The following SLX4IP variants were observed in gnomAD, a reference collection of about 807,000 sequenced individuals.
The protein encoded by SLX4IP is SLX4 interacting protein, also known as protein SLX4IP.
Under a neutral mutation model 32.9 loss-of-function variants are expected in SLX4IP, and 34 were observed. The ratio of observed to expected loss-of-function variants is 1.03; its 90% CI spans 0.79 to 1.38. The LOEUF is 1.38. SLX4IP is among the 40% of genes most tolerant of loss of function. The pLI, the probability that SLX4IP is intolerant of heterozygous loss-of-function variation, is 0.00. For missense variants in SLX4IP, 444 were observed against 479.0 expected (o/e 0.93, Z 0.68); for synonymous variants, 172 against 171.7 (o/e 1.00, Z -0.01).
intron 2 of SLX4IP, among the ~76,000 whole-genome samples, chr20:10,516,104 T>C (rs2065847473): frequency 6.6e-6 from 1 of 152,124 alleles, no homozygotes; most frequent in Non-Finnish European, 1.5e-5. Flanking sequence ...TCTGGACTGG[T>C]TTCTAATTTC....
chr20:10,603,748 C>T (rs2066870261), intron 6 of SLX4IP, among the ~76,000 whole-genome samples: 2 of 152,180 alleles, frequency 1.3e-5, no homozygotes, highest in Admixed American at 6.5e-5. Context: ...CTAGCCTGCT[C>T]ACCTCTGCCA....
chr20:10,572,829 G>A (rs2066480777), intron 4 of SLX4IP, among the ~76,000 whole-genome samples: 3 of 152,116 alleles, frequency 2.0e-5, no homozygotes, highest in Admixed American at 6.5e-5. Context: ...GGTATCTTTG[G>A]TGAACATTCA....
At chr20:10,514,427 A>G (rs1362477277) in intron 2 of SLX4IP, among the ~76,000 whole-genome samples, 1 of 152,170 alleles carries the variant, frequency 6.6e-6, no homozygotes, top group Admixed American at 6.5e-5. Flanking sequence ...TGTATTCCAC[A>G]TTTTAACTGA....
chr20:10,613,596 C>T lies in SLX4IP; in HGVS notation c.406-7718C>T, dbSNP rs569745552. 1.2e-4 allele frequency: 188 copies of T among 1,613,260 alleles called. 2 individuals carry two copies. The South Asian group carries it at 2.0e-3, about 17-fold the overall frequency. On this transcript the variant is annotated intron_variant, in intron 6 of 7. Coordinates refer to ENST00000334534, the MANE Select transcript of SLX4IP (RefSeq NM_001009608.3). Reference sequence around the variant, plus strand: ...CAGGCTATCCACGCCTTCATCAAGCCCCAACTCCTTTCTGCTCATTTCTGC... The same window carrying T: ...CAGGCTATCCACGCCTTCATCAAGCTCCAACTCCTTTCTGCTCATTTCTGC...
At chr20:10,439,814 T>C (rs1400667213) in intron 1 of SLX4IP, among the ~76,000 whole-genome samples, 1 of 152,240 alleles carries the variant, frequency 6.6e-6, no homozygotes, top group Admixed American at 6.5e-5. Context: ...ACCTATTTAT[T>C]AGGTAGCAAA....
intron 2 of SLX4IP, among the ~76,000 whole-genome samples, chr20:10,462,069 C>T (rs1240603009): frequency 4.6e-5 from 7 of 152,008 alleles, no homozygotes; most frequent in Admixed American, 4.6e-4. Flanking sequence ...CAAGAAAGAG[C>T]TCTTATAAAT....
chr20:10,495,209 T>C (rs1349141137), intron 2 of SLX4IP, among the ~76,000 whole-genome samples: 1 of 152,188 alleles, frequency 6.6e-6, no homozygotes, highest in Non-Finnish European at 1.5e-5. Flanking sequence ...CTCTCAACAT[T>C]ATTAATTTCT....
At chr20:10,603,436 CG>C (rs1226520061) in intron 6 of SLX4IP, among the ~76,000 whole-genome samples, 2 of 152,166 alleles carry the variant, frequency 1.3e-5, no homozygotes, top group Admixed American at 6.5e-5. Flanking sequence ...AAACTCTCAC[CG>C]GTCTAAGCCT....
At chr20:10,438,214 G>A (rs372200133) in intron 1 of SLX4IP, among the ~76,000 whole-genome samples, 1 of 150,446 alleles carries the variant, frequency 6.6e-6, no homozygotes, top group Admixed American at 6.6e-5. Context: ...CCTGGAAGAG[G>A]CCTTTTTTTT....
At chr20:10,445,791 ATT>A (rs1252772040) in intron 1 of SLX4IP, among the ~76,000 whole-genome samples, 2 of 151,196 alleles carry the variant, frequency 1.3e-5, no homozygotes, top group Non-Finnish European at 2.9e-5. Context: ...AGCCCGGCTA[ATT>A]TTTTGTATTT....
chr20:10,520,989 T>C (rs2065897243), intron 2 of SLX4IP, among the ~76,000 whole-genome samples: 2 of 152,256 alleles, frequency 1.3e-5, no homozygotes, highest in African/African-American at 4.8e-5. Context: ...GGAGGATTAT[T>C]TAAAACAGTA....
At chr20:10,447,890 A>T (rs1237226281) in intron 1 of SLX4IP, among the ~76,000 whole-genome samples, 3 of 132,178 alleles carry the variant, frequency 2.3e-5, no homozygotes, top group African/African-American at 8.5e-5. Flanking sequence ...TTTTTTTTAG[A>T]GATAGGGTCT....
chr20:10,449,380 T>G (rs1268835945), intron 1 of SLX4IP, among the ~76,000 whole-genome samples: 2 of 152,234 alleles, frequency 1.3e-5, no homozygotes, highest in Non-Finnish European at 2.9e-5. Context: ...ACATGTAGCT[T>G]CATTTGAGGT....
chr20:10,591,758 A>T (rs2066712259), intron 4 of SLX4IP, among the ~76,000 whole-genome samples: 1 of 152,242 alleles, frequency 6.6e-6, no homozygotes, highest in Non-Finnish European at 1.5e-5. Flanking sequence ...CACAGTTTTC[A>T]TATTTAATGT....
At chr20:10,517,822 A>T (rs2065862747) in intron 2 of SLX4IP, among the ~76,000 whole-genome samples, 1 of 152,184 alleles carries the variant, frequency 6.6e-6, no homozygotes, top group Non-Finnish European at 1.5e-5. Flanking sequence ...CAAGTCTTCT[A>T]ACTTCTCTAG....
intron 4 of SLX4IP, among the ~76,000 whole-genome samples, chr20:10,561,725 C>T (rs1453727180): frequency 1.7e-4 from 26 of 152,058 alleles, no homozygotes; most frequent in Admixed American, 1.7e-3. Context: ...GCCTTTGCAT[C>T]GTCATAGTTT....
At chr20:10,437,168 C>G (rs1412471865) in intron 1 of SLX4IP, among the ~76,000 whole-genome samples, 1 of 151,964 alleles carries the variant, frequency 6.6e-6, no homozygotes, top group Non-Finnish European at 1.5e-5. Context: ...CCCTGTTGCC[C>G]AGGCTGAAGT....
intron 1 of SLX4IP, among the ~76,000 whole-genome samples, chr20:10,442,795 G>A (rs75585790): frequency 0.06 from 9,165 of 152,232 alleles, 325 homozygotes; most frequent in Admixed American, 0.086. Context: ...TTTTGTGTGC[G>A]TGTGTGCACA....
chr20:10,601,975 A>G (rs916602082), intron 6 of SLX4IP, among the ~76,000 whole-genome samples, 156 bp downstream of exon 6: 1 of 152,252 alleles, frequency 6.6e-6, no homozygotes, highest in African/African-American at 2.4e-5. Flanking sequence ...TTTACGTGGT[A>G]ATATCAACTA....
Sources: gnomAD v4.1 joint callset for allele counts (sites outside exome capture counted in the v4.1 genomes callset) on GRCh38, gnomAD v4.1.1 for gene constraint, MANE v1.5 for transcripts, NCBI Gene and HGNC (gene_info 2026-07-23, HGNC 2026-07-21) for gene names.